The following TRIM14 variants were observed in gnomAD, a reference collection of about 807,000 sequenced individuals.
The protein encoded by TRIM14 is tripartite motif containing 14, also known as tripartite motif-containing protein 14.
A neutral mutation model predicts 44.5 loss-of-function variants in TRIM14; 28 were observed. That is an observed-to-expected ratio of 0.63 (90% CI 0.47 to 0.86). The LOEUF is 0.86. Among genes scored for constraint, TRIM14 ranks in the 40% least tolerant of loss-of-function variants. TRIM14 has a pLI of 0.00. For missense variants in TRIM14, 607 were observed against 611.1 expected, an observed-to-expected ratio of 0.99 and a Z score of 0.07; for synonymous variants, 299 against 269.2, an observed-to-expected ratio of 1.11 and a Z score of -1.08.
At chr9:98,065,833 G>T (rs146953323), downstream of TRIM14, among the ~76,000 whole-genome samples, 6 of 152,062 alleles carry the variant, frequency 3.9e-5, no homozygotes, top group African/African-American at 1.2e-4. Context: ...AGATCTGATG[G>T]GTTTATCAGG....
At chr9:98,116,904 A>C (rs565035045) in intron 1 of TRIM14, among the ~76,000 whole-genome samples, 1 of 152,178 alleles carries the variant, frequency 6.6e-6, no homozygotes, top group South Asian at 2.1e-4. Flanking sequence ...AATAATGCAA[A>C]TTATCAGGCC....
the TRIM14 span, among the ~76,000 whole-genome samples, chr9:98,050,103 A>T: frequency 6.6e-6 from 1 of 152,232 alleles, no homozygotes; most frequent in African/African-American, 2.4e-5. Flanking sequence ...TTATTTTAAC[A>T]CAGTTGGAAC....
At chr9:98,056,622 C>CCCCCG in the TRIM14 span, 8 of 680,362 alleles carry the variant, frequency 1.2e-5, no homozygotes, top group South Asian at 6.7e-5. Flanking sequence ...CCCGCCCCCG[C>CCCCCG]CCCCCGCCCC....
chr9:98,084,024 A>AGAT (rs1331931301), downstream of TRIM14, among the ~76,000 whole-genome samples: 3 of 152,234 alleles, frequency 2.0e-5, no homozygotes, highest in Non-Finnish European at 2.9e-5. Context: ...GTAAGGAATA[A>AGAT]GATATGAGTA....
At chr9:98,077,884 A>G (rs1200364350) in intron 6 of TRIM14, among the ~76,000 whole-genome samples, 1 of 152,226 alleles carries the variant, frequency 6.6e-6, no homozygotes, top group African/African-American at 2.4e-5. Flanking sequence ...CTGTACTGCC[A>G]TGGTATACAA....
At chr9:98,080,731 G>C, downstream of TRIM14, 1 of 1,457,554 alleles carries the variant, frequency 6.9e-7, no homozygotes, top group South Asian at 1.4e-5. Context: ...TGGCTAAACC[G>C]GGGCTCAACC....
At chr9:98,082,754 G>GGAA, downstream of TRIM14, 1 of 1,243,758 alleles carries the variant, frequency 8.0e-7, no homozygotes, top group Non-Finnish European at 1.1e-6. Flanking sequence ...TACTGCCTGG[G>GGAA]GAAGACTGAT....
chr9:98,070,581 C>T (rs751203051), intron 6 of TRIM14, among the ~76,000 whole-genome samples: 17 of 151,638 alleles, frequency 1.1e-4, no homozygotes, highest in Non-Finnish European at 2.1e-4. Flanking sequence ...CCACCACACC[C>T]GACTAATTTT....
intron 1 of TRIM14, among the ~76,000 whole-genome samples, chr9:98,114,779 C>A (rs1826987345): frequency 6.6e-6 from 1 of 152,142 alleles, no homozygotes; most frequent in Admixed American, 6.5e-5. Context: ...TTGGATTAAG[C>A]AAAAGCTTCC....
chr9:98,100,272 G>A, intron 2 of TRIM14, 108 bp from the exon 3 acceptor site: 3 of 969,790 alleles, frequency 3.1e-6, no homozygotes, highest in Non-Finnish European at 4.7e-6. Context: ...CAGTAAAGTG[G>A]CCAGTCAGAC....
chr9:98,118,910 C>T, intron 1 of TRIM14, 72 bp downstream of exon 1: 1 of 1,405,224 alleles, frequency 7.1e-7, no homozygotes, highest in Non-Finnish European at 9.2e-7. Context: ...AGGCACGCCC[C>T]CTCCTCGGCC....
At chr9:98,053,455 A>G in the TRIM14 span, among the ~76,000 whole-genome samples, 1 of 152,204 alleles carries the variant, frequency 6.6e-6, no homozygotes, top group South Asian at 2.1e-4. Flanking sequence ...CTGGCTTTGG[A>G]CAGTTGGCTT....
intron 5 of TRIM14, among the ~76,000 whole-genome samples, chr9:98,089,942 T>A (rs150006079): frequency 6.6e-6 from 1 of 152,242 alleles, no homozygotes; most frequent in African/African-American, 2.4e-5. Context: ...CTCGCTCTTG[T>A]TAATTGAACT....
At chr9:98,094,279 T>A (rs985460212) in intron 4 of TRIM14, among the ~76,000 whole-genome samples, 22 of 152,208 alleles carry the variant, frequency 1.4e-4, no homozygotes, top group Admixed American at 1.1e-3. Context: ...TTTGAGTACA[T>A]GTTTTGTGCC....
intron 1 of TRIM14, among the ~76,000 whole-genome samples, chr9:98,111,450 G>A (rs988704081): frequency 1.3e-5 from 2 of 152,090 alleles, no homozygotes; most frequent in African/African-American, 4.8e-5. Context: ...ACCTGGCTGG[G>A]CATGGTGGAG....
chr9:98,056,438 C>CATGCTCCTGAGAGCAGGACATAGAT, the TRIM14 span, among the ~76,000 whole-genome samples: 2,137 of 152,212 alleles, frequency 0.014, 47 homozygotes, highest in African/African-American at 0.049. Context: ...AGGACATAGA[C>CATGCTCCTGAGAGCAGGACATAGAT]TATGCCCTGC....
At chr9:98,051,877 G>T in the TRIM14 span, among the ~76,000 whole-genome samples, 1 of 146,748 alleles carries the variant, frequency 6.8e-6, no homozygotes, top group Non-Finnish European at 1.5e-5. Context: ...TCTCTTATGG[G>T]AATCTCATAT....
At chr9:98,118,537 C>T (rs810158) in intron 1 of TRIM14, among the ~76,000 whole-genome samples, 3,805 of 152,280 alleles carry the variant, frequency 0.025, 62 homozygotes, top group Non-Finnish European at 0.04. Flanking sequence ...AGTTCACAGG[C>T]CCTTTCTGTG....
chr9:98,113,738 C>A (rs902808398), intron 1 of TRIM14, among the ~76,000 whole-genome samples: 1 of 152,186 alleles, frequency 6.6e-6, no homozygotes, highest in Non-Finnish European at 1.5e-5. Flanking sequence ...TTTACTTTTG[C>A]ATAAATGGCA....
Sources: allele counts gnomAD v4.1 joint callset (sites outside exome capture counted in the v4.1 genomes callset), GRCh38; gene constraint gnomAD v4.1.1; transcripts MANE v1.5; gene names NCBI Gene and HGNC (gene_info 2026-07-23, HGNC 2026-07-21).